CXCL13: variants seen among roughly 807,000 people sequenced by gnomAD.
CXCL13 encodes C-X-C motif chemokine ligand 13, also known as C-X-C motif chemokine 13.
CXCL13 carries 7 observed loss-of-function variants against 12.2 expected under a neutral mutation model. The ratio of observed to expected loss-of-function variants is 0.57; its 90% CI spans 0.33 to 1.07. The LOEUF (loss-of-function observed/expected upper bound fraction) is 1.07. Ranked by LOEUF, CXCL13 falls within the 50% of genes least tolerant of loss-of-function variation. The probability of loss-of-function intolerance (pLI) is 0.04; values close to 1 mark genes in which losing one functional copy is unlikely to be tolerated. For missense variants in CXCL13, 113 were observed against 127.4 expected, an observed-to-expected ratio of 0.89 and a Z score of 0.55; for synonymous variants, 47 against 42.4, an observed-to-expected ratio of 1.11 and a Z score of -0.42.
chr4:77,531,338 T>C (rs369648330), intron 1 of CXCL13, among the ~76,000 whole-genome samples: 14 of 141,548 alleles, frequency 9.9e-5, no homozygotes, highest in African/African-American at 3.7e-4. Flanking sequence ...TGTGTTCTCA[T>C]TGTTCAATTC....
At chr4:77,530,840 T>C (rs1724895838) in intron 1 of CXCL13, among the ~76,000 whole-genome samples, 1 of 152,130 alleles carries the variant, frequency 6.6e-6, no homozygotes, top group South Asian at 2.1e-4. Flanking sequence ...TTGTTCTTGC[T>C]TCTCTAGTTC....
chr4:77,534,209 A>T (rs543712476), intron 1 of CXCL13, among the ~76,000 whole-genome samples: 7 of 151,908 alleles, frequency 4.6e-5, no homozygotes, highest in Admixed American at 6.6e-5. Context: ...AAAACAAAAG[A>T]CATGCAACTA....
At chr4:77,536,243 T>C (rs1459102863) in intron 1 of CXCL13, among the ~76,000 whole-genome samples, 3 of 152,220 alleles carry the variant, frequency 2.0e-5, no homozygotes, top group African/African-American at 2.4e-5. Flanking sequence ...GTAAAGTAGA[T>C]GGCATGAAAG....
At chr4:77,532,362 T>G (rs567298151) in intron 1 of CXCL13, among the ~76,000 whole-genome samples, 215 of 152,354 alleles carry the variant, frequency 1.4e-3, no homozygotes, top group African/African-American at 4.9e-3. Flanking sequence ...TTTAAGAATG[T>G]TGAATATTGG....
intron 1 of CXCL13, among the ~76,000 whole-genome samples, chr4:77,527,030 A>T (rs148059180): frequency 3.0e-4 from 45 of 152,338 alleles, no homozygotes; most frequent in Admixed American, 1.2e-3. Flanking sequence ...CAAGACCTCA[A>T]GTGTGGGTGA....
intron 1 of CXCL13, among the ~76,000 whole-genome samples, chr4:77,522,301 A>G (rs1276907662): frequency 1.3e-5 from 2 of 151,890 alleles, no homozygotes; most frequent in African/African-American, 4.8e-5. Context: ...GTCTTCCATC[A>G]TTATTTTGTG....
intron 1 of CXCL13, among the ~76,000 whole-genome samples, chr4:77,563,178 G>T (rs1031976939): frequency 6.6e-6 from 1 of 151,992 alleles, no homozygotes; most frequent in Admixed American, 6.6e-5. Context: ...AACTCCGGAC[G>T]CCCCTTTAAG....
intron 1 of CXCL13, among the ~76,000 whole-genome samples, chr4:77,525,787 G>A (rs983232808): frequency 1.3e-5 from 2 of 152,118 alleles, no homozygotes; most frequent in African/African-American, 2.4e-5. Context: ...TATGCTGCAA[G>A]CACACCTGGG....
intron 1 of CXCL13, among the ~76,000 whole-genome samples, chr4:77,519,236 G>C (rs749785254): frequency 1.3e-5 from 2 of 152,174 alleles, no homozygotes; most frequent in Admixed American, 1.3e-4. Context: ...CTGCTCAGGG[G>C]TCAGGGGTCA....
chr4:77,605,654 G>A (rs1726984061), upstream of CXCL13, among the ~76,000 whole-genome samples: 1 of 152,182 alleles, frequency 6.6e-6, no homozygotes, highest in Non-Finnish European at 1.5e-5. Flanking sequence ...TTATTATAGT[G>A]CTCTGAAACA....
chr4:77,593,422 C>T (rs2109832069), intron 1 of CXCL13, among the ~76,000 whole-genome samples: 1 of 152,306 alleles, frequency 6.6e-6, no homozygotes, highest in South Asian at 2.1e-4. Flanking sequence ...GTCACTGGTG[C>T]CATCACGATG....
chr4:77,547,739 A>G (rs355670), intron 1 of CXCL13, among the ~76,000 whole-genome samples: 147,397 of 152,276 alleles, frequency 0.97, 71,497 homozygotes, highest in East Asian at 1. Context: ...TACATTTAAG[A>G]TTAATATTAT....
At chr4:77,599,024 G>T (rs1439381568) in intron 1 of CXCL13, among the ~76,000 whole-genome samples, 1 of 152,038 alleles carries the variant, frequency 6.6e-6, no homozygotes, top group Non-Finnish European at 1.5e-5. Context: ...GGCCAGGCTG[G>T]TCTTGAACTC....
intron 1 of CXCL13, among the ~76,000 whole-genome samples, chr4:77,553,143 A>G (rs982407153): frequency 6.6e-6 from 1 of 152,204 alleles, no homozygotes; most frequent in East Asian, 1.9e-4. Flanking sequence ...CCAGGTCACC[A>G]GCTGGCCCTA....
intron 1 of CXCL13, among the ~76,000 whole-genome samples, chr4:77,566,217 A>T (rs1437080868): frequency 6.6e-6 from 1 of 152,240 alleles, no homozygotes; most frequent in Non-Finnish European, 1.5e-5. Context: ...AAATGGCCTT[A>T]TGGGATAAAC....
Position 77,570,865 on chromosome 4 carries a change from C to T in CXCL13, c.-42-34959C>T, listed in dbSNP as rs187944412. Among the ~76,000 whole-genome samples the T allele has an allele frequency of 3.9e-4, 60 of 152,104 alleles. 4 individuals carry two copies. The highest frequency in any genetic ancestry group is 1.2e-3 in the Admixed American group (19 of 15,304). On this transcript the variant is annotated intron_variant, in intron 1 of 4. Transcript: ENST00000286758. ...AAGCAGTGCCAGCCCACCGGTGCTG[C>T]GCTCGATTTCTCACCGGGCCTTAGC...
intron 1 of CXCL13, among the ~76,000 whole-genome samples, chr4:77,548,465 A>T (rs1034903845): frequency 6.6e-6 from 1 of 152,212 alleles, no homozygotes; most frequent in Non-Finnish European, 1.5e-5. Flanking sequence ...ACAGGAGGGG[A>T]AGGCAGTGAA....
At chr4:77,538,991 G>T (rs1012256841) in intron 1 of CXCL13, among the ~76,000 whole-genome samples, 1 of 151,954 alleles carries the variant, frequency 6.6e-6, no homozygotes, top group Non-Finnish European at 1.5e-5. Context: ...GAGCAGGAAT[G>T]AAAGTGTACT....
intron 1 of CXCL13, among the ~76,000 whole-genome samples, chr4:77,517,811 A>G (rs1198696071): frequency 1.3e-5 from 2 of 152,172 alleles, no homozygotes; most frequent in Non-Finnish European, 2.9e-5. Flanking sequence ...ATTTACATTT[A>G]AAGTTAATAT....
Sources: allele counts gnomAD v4.1 joint callset (sites outside exome capture counted in the v4.1 genomes callset), GRCh38; gene constraint gnomAD v4.1.1; transcripts MANE v1.5; gene names NCBI Gene and HGNC (gene_info 2026-07-23, HGNC 2026-07-21).